Variants in RANBP2 observed in about 807,000 individuals in gnomAD.
The protein encoded by RANBP2 is RAN binding protein 2.
RANBP2 carries 57 observed loss-of-function variants against 303.6 expected under a neutral mutation model. The ratio of observed to expected loss-of-function variants is 0.19; its 90% CI spans 0.15 to 0.23. The LOEUF (loss-of-function observed/expected upper bound fraction) is 0.23, where lower values mean the gene tolerates loss of function less well. Ranked by LOEUF, RANBP2 falls within the 10% of genes least tolerant of loss-of-function variation. The pLI is 1.00. For synonymous variants in RANBP2, 1,167 were observed against 1,301.5 expected, an observed-to-expected ratio of 0.90 and a Z score of 2.23; for missense variants, 3,138 against 3,780.8, an observed-to-expected ratio of 0.83 and a Z score of 4.46.
At chr2:109,008,524 A>C in the RANBP2 span, among the ~76,000 whole-genome samples, 29,978 of 151,500 alleles carry the variant, frequency 0.2, 3,083 homozygotes, top group Middle Eastern at 0.33. Context: ...GGCACTTGGT[A>C]CATGCCCTGT....
chr2:109,621,278 G>A, the RANBP2 span, among the ~76,000 whole-genome samples: 13 of 152,016 alleles, frequency 8.6e-5, no homozygotes, highest in Non-Finnish European at 7.4e-5. Flanking sequence ...TCAGCCTCCC[G>A]AGTAGCTGGG....
At chr2:109,315,957 C>T in the RANBP2 span, among the ~76,000 whole-genome samples, 47,476 of 152,062 alleles carry the variant, frequency 0.31, 9,194 homozygotes, top group African/African-American at 0.55. Flanking sequence ...TTTTGAGATG[C>T]ATTAGCAGAA....
rs570196966 is a variant in RANBP2, at chr2:108,747,869, A to G, written c.1064-1051A>G. ...CGGTTCAGTGGCTTTTAGTATGTTCATAGAGTATTACCACTGTCACCACAG... is the reference window on the plus strand; with the variant it reads ...CGGTTCAGTGGCTTTTAGTATGTTCGTAGAGTATTACCACTGTCACCACAG... On this transcript the variant is annotated intron_variant, in intron 8 of 28. Coordinates refer to ENST00000283195, the MANE Select transcript of RANBP2 (RefSeq NM_006267.5). Among the ~76,000 whole-genome samples the G allele has an allele frequency of 1.9e-3, 284 of 152,260 alleles. 3 individuals are homozygous for G. The highest frequency in any genetic ancestry group is 6.6e-3 in the African/African-American group (275 of 41,538).
the RANBP2 span, among the ~76,000 whole-genome samples, chr2:109,252,839 A>G: frequency 0.24 from 36,895 of 152,074 alleles, 4,907 homozygotes; most frequent in East Asian, 0.46. Flanking sequence ...AGTGAAAAAC[A>G]CTGGTTATAT....
chr2:108,963,070 T>C, the RANBP2 span, among the ~76,000 whole-genome samples: 1 of 152,196 alleles, frequency 6.6e-6, no homozygotes, highest in Admixed American at 6.5e-5. Flanking sequence ...GGTCACTCAC[T>C]GTCACTTGTA....
the RANBP2 span, among the ~76,000 whole-genome samples, chr2:108,991,640 A>T: frequency 6.6e-6 from 1 of 152,216 alleles, no homozygotes; most frequent in Non-Finnish European, 1.5e-5. Flanking sequence ...GGCTGGCCCC[A>T]GCTCTCAGCT....
chr2:109,344,551 A>C, the RANBP2 span, among the ~76,000 whole-genome samples: 1 of 152,176 alleles, frequency 6.6e-6, no homozygotes, highest in Non-Finnish European at 1.5e-5. Flanking sequence ...GCTCATAAGC[A>C]GCAGGTGCAT....
the RANBP2 span, among the ~76,000 whole-genome samples, chr2:108,904,221 T>C: frequency 6.6e-6 from 1 of 152,020 alleles, no homozygotes; most frequent in African/African-American, 2.4e-5. Flanking sequence ...AGAAAACATA[T>C]TTAAACAATA....
At chr2:109,736,813 G>A in the RANBP2 span, among the ~76,000 whole-genome samples, 1 of 152,062 alleles carries the variant, frequency 6.6e-6, no homozygotes. Flanking sequence ...CAATAGAAAT[G>A]ATTGACAGTT....
At chr2:109,721,334 A>T in the RANBP2 span, among the ~76,000 whole-genome samples, 6 of 152,310 alleles carry the variant, frequency 3.9e-5, no homozygotes, top group African/African-American at 1.4e-4. Flanking sequence ...ACACTGCGCC[A>T]CAGGCTGATG....
Position 108,771,711 on chromosome 2 carries a change from G to T in RANBP2, c.7860G>T (p.Lys2620Asn), listed in dbSNP as rs377507840. 3.2e-5 allele frequency: 52 copies of T among 1,612,716 alleles called. No homozygotes were observed. The highest frequency in any genetic ancestry group is 6.7e-5 in the Admixed American group (4 of 59,992). ...TFKTPEKAKEKKKPEDSPSDD... is the reference protein window; with the variant it reads ...TFKTPEKAKENKKPEDSPSDD... ...TGACTGGTGTTACAGCAAAAGAGAAGAAAAAACCTGAAGATTCTCCCTCAG... is the reference window on the plus strand; with the variant it reads ...TGACTGGTGTTACAGCAAAAGAGAATAAAAAACCTGAAGATTCTCCCTCAG... Residue 2620 changes from lysine to asparagine, a missense_variant, in exon 21 of 29, where the codon AAG becomes AAT. Physicochemically the swap from Lys to Asn is moderately conservative, Grantham distance 94. This residue lies in a region of RANBP2 where 497 missense variants were observed against 465.8 expected (regional missense o/e 1.07). Transcript: ENST00000283195.
At chr2:109,063,835 C>G in the RANBP2 span, among the ~76,000 whole-genome samples, 1 of 151,660 alleles carries the variant, frequency 6.6e-6, no homozygotes, top group African/African-American at 2.4e-5. Flanking sequence ...GTAGTGTCTT[C>G]TGCAAAGAGA....
the RANBP2 span, chr2:108,882,812 G>T: frequency 6.6e-6 from 1 of 152,156 alleles, no homozygotes; most frequent in Non-Finnish European, 1.5e-5. Context: ...GAGAGTGTCA[G>T]TCTTCCCTAG....
At chr2:108,938,657 GA>G in the RANBP2 span, among the ~76,000 whole-genome samples, 11 of 148,620 alleles carry the variant, frequency 7.4e-5, 1 homozygote, top group African/African-American at 1.7e-4. Context: ...GAGAAGTTTT[GA>G]AAAAAAAAAT....
the RANBP2 span, among the ~76,000 whole-genome samples, chr2:109,093,693 G>C: frequency 6.6e-6 from 1 of 152,076 alleles, no homozygotes; most frequent in Non-Finnish European, 1.5e-5. Flanking sequence ...CAAGCTATAT[G>C]TATTTAAAAG....
At chr2:108,935,605 G>A in the RANBP2 span, among the ~76,000 whole-genome samples, 1 of 152,080 alleles carries the variant, frequency 6.6e-6, no homozygotes, top group African/African-American at 2.4e-5. Flanking sequence ...TTAAGTTCTG[G>A]CCTTCTTCCA....
chr2:108,761,939 T>C (rs1217312971), intron 18 of RANBP2, among the ~76,000 whole-genome samples, 162 bp from the exon 19 acceptor site: 1 of 152,204 alleles, frequency 6.6e-6, no homozygotes, highest in African/African-American at 2.4e-5. Flanking sequence ...TGTCATTTGA[T>C]AATCTTGATT....
chr2:109,078,122 T>TGGA, the RANBP2 span, among the ~76,000 whole-genome samples: 29 of 64,886 alleles, frequency 4.5e-4, no homozygotes, highest in Non-Finnish European at 6.8e-4. Flanking sequence ...ATATATAGCG[T>TGGA]GTATATATAT....
At chr2:109,359,884 G>A in the RANBP2 span, among the ~76,000 whole-genome samples, 7 of 152,142 alleles carry the variant, frequency 4.6e-5, no homozygotes, top group Admixed American at 2.0e-4. Flanking sequence ...AATGGCACAT[G>A]TGTAGGCTGC....
Sources: allele counts gnomAD v4.1 joint callset (sites outside exome capture counted in the v4.1 genomes callset), GRCh38; gene constraint gnomAD v4.1.1; regional missense constraint gnomAD v4.1.1; transcripts MANE v1.5; gene names NCBI Gene and HGNC (gene_info 2026-07-23, HGNC 2026-07-21).